Variants in SHROOM3 observed in about 807,000 individuals in gnomAD.
The protein encoded by SHROOM3 is protein Shroom3.
Under a neutral mutation model 138.6 loss-of-function variants are expected in SHROOM3, and 47 were observed. That is an observed-to-expected ratio of 0.34 (90% CI 0.27 to 0.43). The LOEUF (loss-of-function observed/expected upper bound fraction) is 0.43. Among genes scored for constraint, SHROOM3 ranks in the 20% least tolerant of loss-of-function variants. The probability of loss-of-function intolerance (pLI) is 1.00; values close to 1 mark genes in which losing one functional copy is unlikely to be tolerated. For missense variants in SHROOM3, 2,491 were observed against 2,596.5 expected, an observed-to-expected ratio of 0.96 and a Z score of 0.88; for synonymous variants, 1,062 against 1,063.3, an observed-to-expected ratio of 1.00 and a Z score of 0.02.
chr4:76,751,694 G>A (rs1287767089), intron 6 of SHROOM3, among the ~76,000 whole-genome samples: 1 of 152,086 alleles, frequency 6.6e-6, no homozygotes, highest in Non-Finnish European at 1.5e-5. Flanking sequence ...GCAGACACAT[G>A]GCCAACAAGC....
chr4:76,480,677 A>G (rs909035876), intron 1 of SHROOM3, among the ~76,000 whole-genome samples: 1 of 152,210 alleles, frequency 6.6e-6, no homozygotes, highest in African/African-American at 2.4e-5. Context: ...TCAACAGAAT[A>G]TACATTCTTC....
At chr4:76,643,532 C>A (rs1392412622) in intron 2 of SHROOM3, among the ~76,000 whole-genome samples, 1 of 152,152 alleles carries the variant, frequency 6.6e-6, no homozygotes, top group Non-Finnish European at 1.5e-5. Flanking sequence ...GGGTTCTAAA[C>A]AGTGATGTTT....
chr4:76,491,989 G>C (rs7675217), intron 1 of SHROOM3, among the ~76,000 whole-genome samples: 65,589 of 152,058 alleles, frequency 0.43, 15,170 homozygotes, highest in Non-Finnish European at 0.52. Flanking sequence ...ACCATTTCTA[G>C]AAAATGAGGG....
intron 6 of SHROOM3, among the ~76,000 whole-genome samples, chr4:76,750,729 G>A (rs1440708005): frequency 2.6e-5 from 4 of 151,940 alleles, no homozygotes; most frequent in Non-Finnish European, 5.9e-5. Flanking sequence ...TTGGCTCAGT[G>A]GCAATATCGA....
At chr4:76,765,616 C>T (rs1722129854) in intron 9 of SHROOM3, among the ~76,000 whole-genome samples, 1 of 152,088 alleles carries the variant, frequency 6.6e-6, no homozygotes, top group African/African-American at 2.4e-5. Context: ...CAGAGGCCAA[C>T]TGTGTGTGTA....
At chr4:76,550,694 C>T (rs969720149) in intron 1 of SHROOM3, among the ~76,000 whole-genome samples, 2 of 151,988 alleles carry the variant, frequency 1.3e-5, no homozygotes, top group African/African-American at 4.8e-5. Flanking sequence ...CAAATAAGTG[C>T]CATTTCAAAA....
At chr4:76,663,589 T>A (rs998254557) in intron 2 of SHROOM3, among the ~76,000 whole-genome samples, 3 of 152,188 alleles carry the variant, frequency 2.0e-5, no homozygotes, top group Non-Finnish European at 4.4e-5. Flanking sequence ...GATTTAGAGA[T>A]GGAGCCTCAC....
At chr4:76,673,457 T>C (rs1022931744) in intron 2 of SHROOM3, among the ~76,000 whole-genome samples, 37 of 152,200 alleles carry the variant, frequency 2.4e-4, no homozygotes, top group African/African-American at 8.7e-4. Flanking sequence ...TAAAGTCTTA[T>C]ATTTTTCTGT....
rs376963999 is a variant in SHROOM3, at chr4:76,739,914, A to T, written c.1741A>T (p.Asn581Tyr). 19 of 1,614,116 alleles carry T rather than the reference A, an allele frequency of 1.2e-5. No individual in the cohort carries two copies. The African/African-American group carries it at 2.4e-4, about 20-fold the overall frequency. ...GAGACATCTCACACCTCCCCAAGGCAACAGCCCACATTCCAATGAGAGAAA... is the reference window on the plus strand; with the variant it reads ...GAGACATCTCACACCTCCCCAAGGCTACAGCCCACATTCCAATGAGAGAAA... ...LKRHLTPPQG[N>Y]SPHSNERKST... The change falls in exon 5 of 11, where the codon AAC becomes TAC. Residue 581 changes from asparagine to tyrosine, a missense_variant. Coordinates refer to ENST00000296043, the MANE Select transcript of SHROOM3 (RefSeq NM_020859.4).
intron 3 of SHROOM3, among the ~76,000 whole-genome samples, chr4:76,715,251 A>T (rs565268038): frequency 6.6e-6 from 1 of 152,206 alleles, no homozygotes; most frequent in Non-Finnish European, 1.5e-5. Context: ...ACTTATCTAT[A>T]AGAAAAAAGA....
intron 1 of SHROOM3, among the ~76,000 whole-genome samples, chr4:76,444,174 C>A (rs1560508019): frequency 1.3e-5 from 2 of 152,086 alleles, no homozygotes. Context: ...CTCAACCTCC[C>A]TAAGTGCTGA....
At chr4:76,744,975 G>A (rs1721389146) in intron 5 of SHROOM3, among the ~76,000 whole-genome samples, 1 of 152,192 alleles carries the variant, frequency 6.6e-6, no homozygotes, top group Non-Finnish European at 1.5e-5. Flanking sequence ...ACTGCAGGAG[G>A]CTACCATTTT....
At chr4:76,437,914 C>T (rs1001387676) in intron 1 of SHROOM3, among the ~76,000 whole-genome samples, 1 of 152,172 alleles carries the variant, frequency 6.6e-6, no homozygotes, top group East Asian at 1.9e-4. Context: ...AGTTTGCTGA[C>T]AGAAAGGTCT....
At chr4:76,499,268 A>G (rs1371850108) in intron 1 of SHROOM3, among the ~76,000 whole-genome samples, 1 of 152,188 alleles carries the variant, frequency 6.6e-6, no homozygotes, top group Non-Finnish European at 1.5e-5. Flanking sequence ...GGCAAATTAT[A>G]TTATCTCTTT....
At chr4:76,644,052 C>T (rs1036765934) in intron 2 of SHROOM3, among the ~76,000 whole-genome samples, 3 of 152,024 alleles carry the variant, frequency 2.0e-5, no homozygotes, top group Non-Finnish European at 4.4e-5. Flanking sequence ...CCATGTTGGT[C>T]AGGCTGGTCT....
intron 1 of SHROOM3, among the ~76,000 whole-genome samples, chr4:76,510,502 TA>T (rs1410516715): frequency 2.0e-5 from 3 of 152,178 alleles, no homozygotes; most frequent in Non-Finnish European, 4.4e-5. Flanking sequence ...GTTGTTGCCT[TA>T]TAGGGTTACT....
At chr4:76,552,051 C>T (rs7676440) in intron 1 of SHROOM3, among the ~76,000 whole-genome samples, 120,008 of 144,632 alleles carry the variant, frequency 0.83, 50,004 homozygotes, top group Non-Finnish European at 0.86. Flanking sequence ...TTAGTAGAGA[C>T]GGGGTTTCAC....
intron 1 of SHROOM3, among the ~76,000 whole-genome samples, chr4:76,515,560 T>C (rs758590037): frequency 6.6e-6 from 1 of 152,218 alleles, no homozygotes; most frequent in Non-Finnish European, 1.5e-5. Context: ...ATGAGCACAT[T>C]GACCATTGCT....
chr4:76,692,344 G>A (rs529666387), intron 2 of SHROOM3, among the ~76,000 whole-genome samples: 31 of 152,312 alleles, frequency 2.0e-4, no homozygotes, highest in Middle Eastern at 3.4e-3. Flanking sequence ...GGCATCCCAG[G>A]AACTGGCGAT....
Sources: gnomAD v4.1 joint callset for allele counts (sites outside exome capture counted in the v4.1 genomes callset) on GRCh38, gnomAD v4.1.1 for gene constraint, MANE v1.5 for transcripts, NCBI Gene and HGNC (gene_info 2026-07-23, HGNC 2026-07-21) for gene names.